Variants in SLC2A9 observed in about 807,000 individuals in gnomAD.
The protein encoded by SLC2A9 is solute carrier family 2 member 9, also known as solute carrier family 2, facilitated glucose transporter member 9.
In SLC2A9, 39 loss-of-function variants were observed where a neutral mutation model predicts 50.6. The ratio of observed to expected loss-of-function variants is 0.77; its 90% confidence interval spans 0.60 to 1.01. The LOEUF is 1.01. Ranked by LOEUF, SLC2A9 falls within the 50% of genes least tolerant of loss-of-function variation. The pLI is 0.00. For synonymous variants in SLC2A9, 324 were observed against 276.9 expected (o/e 1.17, Z -1.69); for missense variants, 686 against 677.6 (o/e 1.01, Z -0.14).
chr4:9,975,116 A>T (rs1028815534), intron 5 of SLC2A9, among the ~76,000 whole-genome samples: 1 of 152,238 alleles, frequency 6.6e-6, no homozygotes, highest in Non-Finnish European at 1.5e-5. Flanking sequence ...AAGATGGATT[A>T]AAGATTTAAA....
At chr4:10,026,620 C>CAATG (rs1763761916) in intron 1 of SLC2A9, among the ~76,000 whole-genome samples, 1 of 152,176 alleles carries the variant, frequency 6.6e-6, no homozygotes, top group African/African-American at 2.4e-5. Flanking sequence ...AAGTGTCCTC[C>CAATG]AATGAATGAA....
At chr4:9,874,721 C>T (rs976452264) in intron 10 of SLC2A9, among the ~76,000 whole-genome samples, 1 of 152,224 alleles carries the variant, frequency 6.6e-6, no homozygotes, top group Non-Finnish European at 1.5e-5. Context: ...CCTCACATCC[C>T]CACATCGGCA....
chr4:10,025,313 C>G (rs77684901), upstream of SLC2A9, among the ~76,000 whole-genome samples: 1 of 152,120 alleles, frequency 6.6e-6, no homozygotes, highest in Non-Finnish European at 1.5e-5. Flanking sequence ...CTCAGTTCAT[C>G]GCCTGTAAAA....
chr4:10,032,082 C>A (rs1763956095), intron 1 of SLC2A9, among the ~76,000 whole-genome samples: 1 of 152,130 alleles, frequency 6.6e-6, no homozygotes, highest in South Asian at 2.1e-4. Context: ...CATTATGGAC[C>A]CAGAGCCAAC....
intron 2 of SLC2A9, among the ~76,000 whole-genome samples, chr4:10,011,756 C>G (rs1761797833): frequency 6.6e-6 from 1 of 152,148 alleles, no homozygotes; most frequent in South Asian, 2.1e-4. Context: ...AGGACAAAGC[C>G]TAGACAATCA....
intron 6 of SLC2A9, among the ~76,000 whole-genome samples, chr4:9,930,107 C>T (rs1480591066): frequency 6.6e-6 from 1 of 152,134 alleles, no homozygotes; most frequent in Non-Finnish European, 1.5e-5. Context: ...ATGCTGTCCT[C>T]CCCGCAAATC....
chr4:9,971,015 A>G (rs1753824385), intron 5 of SLC2A9, among the ~76,000 whole-genome samples: 2 of 152,138 alleles, frequency 1.3e-5, no homozygotes, highest in African/African-American at 4.8e-5. Flanking sequence ...GGTCAAATCA[A>G]TCACGACCCT....
In SLC2A9 at chr4:9,820,219, T is replaced by G. The variant is rs749399364; in HGVS notation, n.420+6201A>C. Among the ~76,000 whole-genome samples, 31 of 152,360 alleles carry G rather than the reference T, an allele frequency of 2.0e-4. No homozygotes were observed. The South Asian group carries it at 2.3e-3, about 11-fold the overall frequency. ...ATTTTCTTAAACTATTTCAGAACCA[T>G]TGTAGAAAAGATAATGCCTTTGCAT... On this transcript the variant is annotated intron_variant and non_coding_transcript_variant, in intron 3 of 3. Coordinates refer to the SLC2A9 transcript ENST00000503280.
intron 6 of SLC2A9, among the ~76,000 whole-genome samples, chr4:9,931,706 G>A (rs80244450): frequency 3.2e-4 from 49 of 152,016 alleles, no homozygotes; most frequent in Non-Finnish European, 5.7e-4. Context: ...GCCAAATTCA[G>A]CTCATTGCCA....
chr4:9,993,445 C>T (rs899510765), intron 3 of SLC2A9, among the ~76,000 whole-genome samples: 3 of 152,140 alleles, frequency 2.0e-5, no homozygotes, highest in African/African-American at 7.2e-5. Flanking sequence ...GGCGAAGAGT[C>T]TGGGTCAATT....
At chr4:9,812,860 T>C (rs1365411574) in intron 3 of SLC2A9, among the ~76,000 whole-genome samples, 1 of 152,206 alleles carries the variant, frequency 6.6e-6, no homozygotes, top group Non-Finnish European at 1.5e-5. Flanking sequence ...AATGCTGTGA[T>C]TTAATGAGAG....
intron 11 of SLC2A9, among the ~76,000 whole-genome samples, chr4:9,826,966 G>C (rs558522517): frequency 6.6e-6 from 1 of 152,270 alleles, no homozygotes; most frequent in Admixed American, 6.5e-5. Flanking sequence ...CTATACACAT[G>C]AGACAAGAAT....
chr4:9,790,212 T>C (rs1239536993), intron 3 of SLC2A9, among the ~76,000 whole-genome samples: 1 of 152,200 alleles, frequency 6.6e-6, no homozygotes, highest in Non-Finnish European at 1.5e-5. Flanking sequence ...TTCATGTATA[T>C]TGCCCATGGG....
At chr4:9,801,765 G>A (rs1044065434) in intron 3 of SLC2A9, among the ~76,000 whole-genome samples, 6 of 152,160 alleles carry the variant, frequency 3.9e-5, no homozygotes, top group African/African-American at 1.4e-4. Flanking sequence ...TCCTGCACGT[G>A]GTGAATCTAA....
chr4:9,891,844 A>G lies in SLC2A9; in HGVS notation c.1114-1133T>C, dbSNP rs148973683. Among the ~76,000 whole-genome samples the G allele has an allele frequency of 3.9e-4, 60 of 152,336 alleles. No homozygotes were observed. The East Asian group carries it at 0.011, about 28-fold the overall frequency. On this transcript the variant is annotated intron_variant, in intron 8 of 11. Transcript: ENST00000264784. ...GTTTTGGGGCTGGATGGTCCCCATC[A>G]CGACAGTCATTTGGCTTGGACAAGG...
intron 10 of SLC2A9, among the ~76,000 whole-genome samples, chr4:9,858,856 T>C (rs1203767597): frequency 1.3e-5 from 2 of 152,186 alleles, no homozygotes; most frequent in Non-Finnish European, 2.9e-5. Flanking sequence ...TTGGGCACCA[T>C]CTAATCAGGT....
chr4:9,930,914 C>A (rs963873057), intron 6 of SLC2A9, among the ~76,000 whole-genome samples: 1 of 152,152 alleles, frequency 6.6e-6, no homozygotes, highest in Non-Finnish European at 1.5e-5. Context: ...GGAAGATGAA[C>A]AACAGGGTCT....
At chr4:9,885,029 T>TGGAG in intron 10 of SLC2A9, among the ~76,000 whole-genome samples, 1 of 151,346 alleles carries the variant, frequency 6.6e-6, no homozygotes, top group African/African-American at 2.4e-5. Flanking sequence ...GGGGTGGGAG[T>TGGAG]GGAGGGAGGG....
rs1726792504 is a variant in SLC2A9, at chr4:9,834,998, CG to C, written c.1301del (p.Pro434ArgfsTer4). On this transcript the variant is annotated frameshift_variant, in exon 11 of 12. Coordinates refer to ENST00000264784, the MANE Select transcript of SLC2A9 (RefSeq NM_020041.3). LOFTEE classifies it high-confidence loss of function. ...ASFCSGPGGI[P>X]FILTGEFFQQ... ...GGAAGAACTCACCAGTCAAGATGAA[CG>C]GGATGCCACCTGCAGTGTGTGAGCC... 6.2e-7 allele frequency: 1 copy of C among 1,613,276 alleles called. No individual in the cohort carries two copies. The highest frequency in any genetic ancestry group is 1.7e-5 in the Admixed American group (1 of 60,008).
Sources: gnomAD v4.1 joint callset for allele counts (sites outside exome capture counted in the v4.1 genomes callset) on GRCh38, gnomAD v4.1.1 for gene constraint, MANE v1.5 for transcripts, NCBI Gene and HGNC (gene_info 2026-07-23, HGNC 2026-07-21) for gene names.